The following RAB28 variants were observed in gnomAD, a reference collection of about 807,000 sequenced individuals.
RAB28 encodes the protein RAB28, member RAS oncogene family, also known as ras-related protein Rab-28.
A neutral mutation model predicts 31.7 loss-of-function variants in RAB28; 24 were observed. The ratio of observed to expected loss-of-function variants is 0.76; its 90% CI spans 0.55 to 1.06. The LOEUF (loss-of-function observed/expected upper bound fraction) is 1.06. Ranked by LOEUF, RAB28 falls within the 50% of genes least tolerant of loss-of-function variation. The pLI is 0.00. For missense variants in RAB28, 254 were observed against 258.5 expected (o/e 0.98, Z 0.12); for synonymous variants, 100 against 90.4 (o/e 1.11, Z -0.60).
rs371480370 is a variant in RAB28 at position 13,437,826 on chromosome 4, AC to A, written c.391+22872del. Reference sequence around the variant, plus strand: ...GAACTAGAAATAAAACTACCACTCAACCCAGCAATCCCACTACTGACTATCT... The same window carrying A: ...GAACTAGAAATAAAACTACCACTCAACCAGCAATCCCACTACTGACTATCT... On this transcript the variant is annotated intron_variant, in intron 4 of 6. Transcript: ENST00000330852. 1.7e-4 allele frequency among the ~76,000 whole-genome samples: 26 copies of A among 151,974 alleles called. No homozygotes were observed. In the South Asian group the frequency reaches 4.4e-3, roughly 26 times the overall value.
At chr4:13,374,549 C>T (rs566695631) in intron 6 of RAB28, among the ~76,000 whole-genome samples, 18 of 152,110 alleles carry the variant, frequency 1.2e-4, no homozygotes, top group Non-Finnish European at 1.8e-4. Flanking sequence ...ACCAGCCCAC[C>T]ATTCCCCTTT....
chr4:13,461,471 G>A (rs187954559), intron 3 of RAB28, among the ~76,000 whole-genome samples: 29 of 152,130 alleles, frequency 1.9e-4, no homozygotes, highest in South Asian at 1.2e-3. Flanking sequence ...AACTTGCCTC[G>A]AAGGGCCTAT....
At chr4:13,446,935 T>C (rs890783135) in intron 4 of RAB28, among the ~76,000 whole-genome samples, 5 of 152,160 alleles carry the variant, frequency 3.3e-5, no homozygotes, top group Non-Finnish European at 5.9e-5. Flanking sequence ...TTTTAATCCT[T>C]ACCCAAAACC....
At chr4:13,386,854 T>C (rs1729391479) in intron 4 of RAB28, among the ~76,000 whole-genome samples, 1 of 152,088 alleles carries the variant, frequency 6.6e-6, no homozygotes, top group Non-Finnish European at 1.5e-5. Flanking sequence ...CCTAAATGCC[T>C]GTCATTGACA....
At chr4:13,391,150 T>C (rs1432800142) in intron 4 of RAB28, among the ~76,000 whole-genome samples, 2 of 152,174 alleles carry the variant, frequency 1.3e-5, no homozygotes, top group Non-Finnish European at 2.9e-5. Flanking sequence ...TTTTGCAATC[T>C]ACCCATCTGA....
intron 4 of RAB28, among the ~76,000 whole-genome samples, chr4:13,458,338 G>C (rs963995012): frequency 2.0e-5 from 3 of 151,194 alleles, no homozygotes; most frequent in Non-Finnish European, 4.4e-5. Flanking sequence ...TACTCATCTA[G>C]TGTGCAAAGC....
chr4:13,399,299 T>C (rs147976066), intron 4 of RAB28, among the ~76,000 whole-genome samples: 1 of 152,366 alleles, frequency 6.6e-6, no homozygotes, highest in Non-Finnish European at 1.5e-5. Context: ...TGTACTGCCA[T>C]ATAACATACC....
intron 4 of RAB28, among the ~76,000 whole-genome samples, chr4:13,440,617 T>G (rs1714364086): frequency 6.6e-6 from 1 of 152,154 alleles, no homozygotes; most frequent in African/African-American, 2.4e-5. Flanking sequence ...GCTTCTAGCT[T>G]CAACATTCTA....
intron 2 of RAB28, among the ~76,000 whole-genome samples, chr4:13,478,132 C>A (rs572381467): frequency 1.4e-4 from 21 of 151,656 alleles, no homozygotes; most frequent in African/African-American, 5.1e-4. Context: ...ATTATGTGAT[C>A]TGTGTATGTA....
intron 4 of RAB28, among the ~76,000 whole-genome samples, chr4:13,441,141 T>G (rs1164225810): frequency 6.6e-6 from 1 of 152,180 alleles, no homozygotes; most frequent in African/African-American, 2.4e-5. Context: ...AAGATGAACA[T>G]AATGCCATGT....
At chr4:13,480,421 G>C (rs957123010) in intron 1 of RAB28, among the ~76,000 whole-genome samples, 1 of 151,798 alleles carries the variant, frequency 6.6e-6, no homozygotes, top group East Asian at 1.9e-4. Flanking sequence ...CTTCAAGACA[G>C]ACTCCCTACT....
intron 1 of RAB28, among the ~76,000 whole-genome samples, chr4:13,483,142 G>A (rs969678372): frequency 2.0e-5 from 3 of 152,102 alleles, no homozygotes; most frequent in Middle Eastern, 3.2e-3. Flanking sequence ...GCTGGTGGAG[G>A]GATCATAGAC....
chr4:13,472,492 G>C (rs1716165166), intron 3 of RAB28, among the ~76,000 whole-genome samples: 1 of 151,746 alleles, frequency 6.6e-6, no homozygotes, highest in East Asian at 1.9e-4. Flanking sequence ...TAATTTTTAA[G>C]TGAAGAAAAA....
intron 4 of RAB28, among the ~76,000 whole-genome samples, chr4:13,397,645 G>A (rs1165552955): frequency 3.3e-5 from 5 of 151,758 alleles, no homozygotes; most frequent in Admixed American, 3.3e-4. Context: ...TTTATTCTTG[G>A]TTTTTATTAT....
At chr4:13,413,062 C>T (rs897487965) in intron 4 of RAB28, among the ~76,000 whole-genome samples, 1 of 151,784 alleles carries the variant, frequency 6.6e-6, no homozygotes, top group African/African-American at 2.4e-5. Context: ...ATCTAATATG[C>T]AGATAACTGG....
chr4:13,375,473 A>G (rs59156486), intron 6 of RAB28, among the ~76,000 whole-genome samples: 5,773 of 152,226 alleles, frequency 0.038, 190 homozygotes, highest in African/African-American at 0.087. Context: ...AAAAGCAAAC[A>G]AATTACTTGA....
chr4:13,449,562 T>G (rs561287489), intron 4 of RAB28, among the ~76,000 whole-genome samples: 5 of 151,942 alleles, frequency 3.3e-5, no homozygotes, highest in Non-Finnish European at 7.4e-5. Context: ...CATCACTTCC[T>G]GGGCAGAGAT....
At chr4:13,374,100 A>T (rs941037483) in intron 6 of RAB28, among the ~76,000 whole-genome samples, 2 of 152,146 alleles carry the variant, frequency 1.3e-5, no homozygotes, top group African/African-American at 4.8e-5. Context: ...CACCAAATTC[A>T]TCAGGATCAA....
At chr4:13,475,358 T>C (rs1716305989) in intron 2 of RAB28, among the ~76,000 whole-genome samples, 5 of 151,506 alleles carry the variant, frequency 3.3e-5, no homozygotes, top group Admixed American at 3.3e-4. Flanking sequence ...TTTTCTCCAG[T>C]TTCAATTAGC....
Sources: gnomAD v4.1 joint callset for allele counts (sites outside exome capture counted in the v4.1 genomes callset) on GRCh38, gnomAD v4.1.1 for gene constraint, MANE v1.5 for transcripts, NCBI Gene and HGNC (gene_info 2026-07-23, HGNC 2026-07-21) for gene names.